The following BAZ1B variants were observed in gnomAD, a reference collection of about 807,000 sequenced individuals.
BAZ1B encodes tyrosine-protein kinase BAZ1B.
A neutral mutation model predicts 153.8 loss-of-function variants in BAZ1B; 22 were observed. That is an observed-to-expected ratio of 0.14 (90% CI 0.10 to 0.20). BAZ1B has a LOEUF of 0.20. BAZ1B is among the 10% of genes least tolerant of loss of function. The probability of loss-of-function intolerance (pLI) is 1.00; values close to 1 mark genes in which losing one functional copy is unlikely to be tolerated. For synonymous variants in BAZ1B, 676 were observed against 633.4 expected (o/e 1.07, Z -1.01); for missense variants, 1,325 against 1,799.3 (o/e 0.74, Z 4.77).
intron 10 of BAZ1B, among the ~76,000 whole-genome samples, chr7:73,465,791 A>C (rs1459582974): frequency 1.1e-4 from 16 of 152,304 alleles, no homozygotes; most frequent in Admixed American, 5.2e-4. Flanking sequence ...GTTAATTGGC[A>C]TACTTGTCCC....
chr7:73,488,645 A>G (rs1411275843), intron 6 of BAZ1B, among the ~76,000 whole-genome samples: 4 of 151,300 alleles, frequency 2.6e-5, no homozygotes, highest in Admixed American at 6.6e-5. Flanking sequence ...GAAGAAGGAG[A>G]AGGAGGTTGC....
At chr7:73,458,589 T>C (rs369138919) in intron 13 of BAZ1B, among the ~76,000 whole-genome samples, 1 of 151,596 alleles carries the variant, frequency 6.6e-6, no homozygotes, top group Non-Finnish European at 1.5e-5. Context: ...GGCAGGGGAA[T>C]TGCTTGAACC....
intron 6 of BAZ1B, among the ~76,000 whole-genome samples, chr7:73,483,593 T>C (rs1789282225): frequency 6.6e-6 from 1 of 152,168 alleles, no homozygotes; most frequent in African/African-American, 2.4e-5. Flanking sequence ...AACAATATAA[T>C]TTACCTTTTA....
In BAZ1B at chr7:73,450,802, C is replaced by T. The variant is rs782297525; in HGVS notation, c.3580+45G>A. The T allele has an allele frequency of 6.9e-6, 11 of 1,595,040 alleles. No homozygotes were observed. The South Asian group carries it at 1.1e-4, about 16-fold the overall frequency. ...AATGAAGATCTTGGGAATAGAAATC[C>T]TACTCCCTAATATACCCACATAAGC... On this transcript the variant is annotated intron_variant, in intron 14 of 19. Coordinates refer to ENST00000339594, the MANE Select transcript of BAZ1B (RefSeq NM_032408.4). The surrounding 1 kb of genome is among the most constrained non-coding windows in gnomAD (Gnocchi z 4.1).
At chr7:73,483,854 G>C (rs543153595) in intron 6 of BAZ1B, among the ~76,000 whole-genome samples, 2 of 152,170 alleles carry the variant, frequency 1.3e-5, no homozygotes, top group African/African-American at 4.8e-5. Context: ...TACCCAGGCT[G>C]GTCTCAAACT....
Position 73,447,246 on chromosome 7 carries a change from G to A in BAZ1B, c.3844+18C>T, listed in dbSNP as rs1204968816. 2.5e-6 allele frequency: 4 copies of A among 1,613,054 alleles called. No homozygotes were observed. ...AGAAGACTGTGAAATCAACTACAAA[G>A]GCAGACAAAATACTTACATCGCAAA... On this transcript the variant is annotated intron_variant, in intron 16 of 19. Coordinates refer to ENST00000339594, the MANE Select transcript of BAZ1B (RefSeq NM_032408.4).
chr7:73,444,083 AG>A lies in BAZ1B; in HGVS notation c.3890del (p.Pro1297LeufsTer60). On this transcript the variant is annotated frameshift_variant, in exon 17 of 20. Coordinates refer to ENST00000339594, the MANE Select transcript of BAZ1B (RefSeq NM_032408.4). LOFTEE classifies it high-confidence loss of function. ...CCGGGCGCCGGCCTGACCTTGCTGC[AG>A]GGGGGATGACGCTGTGCTTGCCCCG... ...TIRGKHSVIP[P>X]AARSGRRPGK... is the part of the protein sequence containing the mutation. The A allele has an allele frequency of 6.2e-7, 1 of 1,613,144 alleles. No homozygotes were observed. The highest frequency in any genetic ancestry group is 8.5e-7 in the Non-Finnish European group (1 of 1,179,626).
intron 7 of BAZ1B, among the ~76,000 whole-genome samples, chr7:73,472,821 A>G (rs1394772091): frequency 1.3e-5 from 2 of 150,998 alleles, no homozygotes; most frequent in African/African-American, 4.9e-5. Flanking sequence ...CAGTGGTGTG[A>G]TCTCGGCTCT....
chr7:73,521,500 G>C (rs1433643041), intron 1 of BAZ1B, among the ~76,000 whole-genome samples: 1 of 152,176 alleles, frequency 6.6e-6, no homozygotes, highest in Admixed American at 6.5e-5. Context: ...CTCCCTCTCG[G>C]GTCCTCAAGG....
Position 73,489,274 on chromosome 7 carries a change from G to A in BAZ1B, c.811C>T (p.Pro271Ser). 1 of 1,614,088 alleles carries A rather than the reference G, an allele frequency of 6.2e-7. No individual in the cohort carries two copies. The highest frequency in any genetic ancestry group is 8.5e-7 in the Non-Finnish European group (1 of 1,180,016). Residue 271 changes from proline (P) to serine (S), a missense_variant, in exon 6 of 20, where the codon CCT becomes TCT. Transcript: ENST00000339594. ...ALRAGTGENA[P>S]WVVEDELVKK... ...ACCAATTCATCTTCTACGACCCAAG[G>A]TGCATTTTCACCAGTACCAGCTCGT...
chr7:73,514,906 C>A (rs1334433949), intron 1 of BAZ1B, among the ~76,000 whole-genome samples: 1 of 151,554 alleles, frequency 6.6e-6, no homozygotes, highest in Admixed American at 6.6e-5. Context: ...ATGGTGAAAC[C>A]CTGTCTCTAC....
chr7:73,507,926 G>A (rs1583950310), intron 3 of BAZ1B, among the ~76,000 whole-genome samples: 1 of 152,126 alleles, frequency 6.6e-6, no homozygotes, highest in African/African-American at 2.4e-5. Flanking sequence ...AGGCCAAGGT[G>A]GGTGGATCAT....
chr7:73,455,245 C>T (rs1788154448), intron 13 of BAZ1B, among the ~76,000 whole-genome samples: 1 of 151,916 alleles, frequency 6.6e-6, no homozygotes, highest in South Asian at 2.1e-4. Flanking sequence ...GCGACTGGCA[C>T]AAGCAGGGCT....
At chr7:73,516,283 T>G (rs1790795209) in intron 1 of BAZ1B, among the ~76,000 whole-genome samples, 1 of 152,188 alleles carries the variant, frequency 6.6e-6, no homozygotes, top group Non-Finnish European at 1.5e-5. Context: ...CCTGAGTAGC[T>G]GGGACTACAG....
chr7:73,444,213 G>A (rs1554565793), intron 16 of BAZ1B, 84 bp from the exon 17 acceptor site: 1 of 1,418,980 alleles, frequency 7.0e-7, no homozygotes, highest in Non-Finnish European at 9.4e-7. Flanking sequence ...GGGATGCAGG[G>A]AGAATCCTTT....
Position 73,442,177 on chromosome 7 carries a change from T to A in BAZ1B, c.*15+4A>T. On this transcript the variant is annotated splice_donor_region_variant and intron_variant, in intron 19 of 19. Transcript: ENST00000339594. ...TAGCTGTCCCCCCACCTCAGCTCCC[T>A]TACCACGGCCCTGCCTCTCTACTTC... 1 of 576,744 alleles carries A rather than the reference T, an allele frequency of 1.7e-6. No homozygotes were observed. The highest frequency in any genetic ancestry group is 2.5e-6 in the Non-Finnish European group (1 of 402,150). The allele number at this position is 576,744 out of a possible 1,614,324, so 35.7% of individuals were successfully genotyped here.
intron 13 of BAZ1B, among the ~76,000 whole-genome samples, chr7:73,456,714 G>A (rs917440948): frequency 7.2e-5 from 11 of 152,058 alleles, no homozygotes; most frequent in South Asian, 2.1e-4. Flanking sequence ...GGCCATGGCC[G>A]GCGGACCACC....
At position 73,477,516 on chromosome 7, in the gene BAZ1B, A is replaced by C; in HGVS notation, c.1945T>G (p.Leu649Val). Residue 649 changes from leucine (L) to valine (V), a missense_variant, in exon 7 of 20, where the codon TTA (leucine) becomes GTA (valine). By Grantham distance (32) the Leu-to-Val change is conservative. Coordinates refer to ENST00000339594, the MANE Select transcript of BAZ1B (RefSeq NM_032408.4). This position sits in a 1 kb window ranked among gnomAD's most constrained non-coding sequence, Gnocchi z 5.6. ...EALSADKGGFLYLNRVLVILL... is the reference protein window; with the variant it reads ...EALSADKGGFVYLNRVLVILL... ...ATGACCAACACCCTGTTAAGGTATA[A>C]AAAGCCACCCTTATCTGCACTCAAG... 1 of 1,614,158 alleles carries C rather than the reference A, an allele frequency of 6.2e-7. No individual in the cohort carries two copies. Among genetic ancestry groups the C allele is most frequent in the Non-Finnish European group, 8.5e-7 (1 of 1,180,022 alleles).
At chr7:73,465,167 C>T (rs1415485657) in intron 11 of BAZ1B, among the ~76,000 whole-genome samples, 1 of 152,172 alleles carries the variant, frequency 6.6e-6, no homozygotes, top group African/African-American at 2.4e-5. Context: ...ATCTGCAAAG[C>T]TGTCTGACAA....
Sources: gnomAD v4.1 joint callset for allele counts (sites outside exome capture counted in the v4.1 genomes callset) on GRCh38, gnomAD v4.1.1 for gene constraint, Gnocchi (gnomAD v3.1) non-coding constraint, MANE v1.5 for transcripts, NCBI Gene and HGNC (gene_info 2026-07-23, HGNC 2026-07-21) for gene names.